RNF212B: variants seen among roughly 807,000 people sequenced by gnomAD.
RNF212B encodes the protein E3 ubiquitin-protein ligase RNF212B.
A neutral mutation model predicts 55.5 loss-of-function variants in RNF212B; 52 were observed. That is an observed-to-expected ratio of 0.94 (90% confidence interval 0.75 to 1.18). The LOEUF is 1.18. RNF212B is among the 50% of genes most tolerant of loss of function. The pLI, the probability that RNF212B is intolerant of heterozygous loss-of-function variation, is 0.00. For synonymous variants in RNF212B, 99 were observed against 121.4 expected (o/e 0.82, Z 1.21); for missense variants, 289 against 350.4 (o/e 0.82, Z 1.40).
upstream of RNF212B, among the ~76,000 whole-genome samples, chr14:23,235,753 G>A (rs1175317969): frequency 6.6e-6 from 1 of 152,172 alleles, no homozygotes; most frequent in Non-Finnish European, 1.5e-5. Flanking sequence ...GCACTGATGT[G>A]TATAACTCAG....
intron 11 of RNF212B, among the ~76,000 whole-genome samples, chr14:23,267,515 T>C (rs1270613649): frequency 6.6e-6 from 1 of 151,876 alleles, no homozygotes; most frequent in Non-Finnish European, 1.5e-5. Flanking sequence ...TGCAACCTCC[T>C]CCTCCTGGCT....
rs1278802961 is a variant in RNF212B, at chr14:23,270,673, C to A, written c.834+12C>A. The A allele has an allele frequency of 2.0e-6, 3 of 1,533,904 alleles. No homozygotes were observed. The highest frequency in any genetic ancestry group is 2.7e-5 in the African/African-American group (2 of 72,814). ...TACCAGTCCTGCAGGTGAGACCTGG[C>A]TAGTCTAACTTGTCTGTGCATAAAA... On this transcript the variant is annotated intron_variant, in intron 14 of 14. Coordinates refer to ENST00000430154, the MANE Select transcript of RNF212B (RefSeq NM_001282322.3).
chr14:23,258,960 A>G (rs1232323645), intron 5 of RNF212B, among the ~76,000 whole-genome samples: 2 of 151,818 alleles, frequency 1.3e-5, no homozygotes, highest in African/African-American at 4.8e-5. Context: ...CCGAAGCAGA[A>G]GATCACTTGA....
intron 1 of RNF212B, among the ~76,000 whole-genome samples, chr14:23,189,314 C>T (rs1211650731): frequency 2.0e-5 from 3 of 152,166 alleles, no homozygotes; most frequent in Non-Finnish European, 4.4e-5. Flanking sequence ...CCTCTGCCTT[C>T]CCTCCCATTG....
At chr14:23,223,099 C>G (rs1299453072) in intron 2 of RNF212B, among the ~76,000 whole-genome samples, 1 of 150,312 alleles carries the variant, frequency 6.7e-6, no homozygotes, top group Non-Finnish European at 1.5e-5. Flanking sequence ...TCATCATGAT[C>G]AACTGAGATC....
At chr14:23,238,416 G>A (rs935492364) in intron 1 of RNF212B, among the ~76,000 whole-genome samples, 6 of 151,676 alleles carry the variant, frequency 4.0e-5, no homozygotes, top group South Asian at 2.1e-4. Flanking sequence ...ATCCCTCAGC[G>A]GTTACACACA....
At chr14:23,234,844 G>A (rs921003285), upstream of RNF212B, among the ~76,000 whole-genome samples, 8 of 152,248 alleles carry the variant, frequency 5.3e-5, no homozygotes, top group Admixed American at 5.2e-4. Context: ...GGGAGGCTGA[G>A]GCAGCAAGAT....
At chr14:23,218,657 A>T (rs1009934380) in intron 2 of RNF212B, among the ~76,000 whole-genome samples, 4 of 152,124 alleles carry the variant, frequency 2.6e-5, no homozygotes, top group Non-Finnish European at 5.9e-5. Context: ...AAAAAACAAT[A>T]AAGCACACCT....
chr14:23,247,180 C>T (rs1391114465), intron 4 of RNF212B, among the ~76,000 whole-genome samples: 1 of 151,784 alleles, frequency 6.6e-6, no homozygotes. Context: ...AGTATAAACA[C>T]CCCATCTACT....
chr14:23,232,786 G>A (rs571022247), intron 2 of RNF212B, among the ~76,000 whole-genome samples: 1 of 124,192 alleles, frequency 8.1e-6, no homozygotes, highest in Non-Finnish European at 1.6e-5. Context: ...GAGGGAGGTG[G>A]GGGGGGGGTC....
At chr14:23,248,351 C>G (rs191077423) in intron 4 of RNF212B, among the ~76,000 whole-genome samples, 4 of 149,154 alleles carry the variant, frequency 2.7e-5, no homozygotes, top group Non-Finnish European at 5.9e-5. Flanking sequence ...GCCCAGGTCT[C>G]GAACCCCTGG....
chr14:23,200,956 G>C (rs1879228781), intron 2 of RNF212B, among the ~76,000 whole-genome samples: 1 of 152,186 alleles, frequency 6.6e-6, no homozygotes, highest in Non-Finnish European at 1.5e-5. Context: ...AAATTCTGGA[G>C]AAAATCAATT....
chr14:23,242,081 C>CAAAAAAAAAAAAAAAAAAAAAAAAAAA (rs58497672), intron 2 of RNF212B, among the ~76,000 whole-genome samples: 3 of 36,642 alleles, frequency 8.2e-5, no homozygotes, highest in African/African-American at 1.1e-4. Flanking sequence ...GACTCCGTCT[C>CAAAAAAAAAAAAAAAAAAAAAAAAAAA]AAAAAAAAAA....
intron 2 of RNF212B, among the ~76,000 whole-genome samples, chr14:23,222,958 G>A (rs1303760243): frequency 1.3e-5 from 2 of 150,968 alleles, no homozygotes; most frequent in Non-Finnish European, 2.9e-5. Flanking sequence ...GGAAGTTGAG[G>A]CAGGAGAATC....
chr14:23,268,906 T>A lies in RNF212B; in HGVS notation c.635-18T>A. ...CAGTTCATGGATTATCTCACAGGCT[T>A]ATTTTTATGCTTTCCAGAAACCCCT... On this transcript the variant is annotated intron_variant, in intron 11 of 14. Coordinates refer to ENST00000430154, the MANE Select transcript of RNF212B (RefSeq NM_001282322.3). 1 of 1,548,346 alleles carries A rather than the reference T, an allele frequency of 6.5e-7. No individual in the cohort carries two copies.
chr14:23,211,227 A>G (rs936716197), intron 2 of RNF212B, among the ~76,000 whole-genome samples: 1 of 119,266 alleles, frequency 8.4e-6, no homozygotes, highest in African/African-American at 3.0e-5. Flanking sequence ...CAAAAAAAAA[A>G]AGAAAGAAAA....
At chr14:23,206,377 C>T (rs886671119) in intron 2 of RNF212B, among the ~76,000 whole-genome samples, 11 of 152,132 alleles carry the variant, frequency 7.2e-5, no homozygotes, top group Non-Finnish European at 1.6e-4. Context: ...CCGGCCTAGT[C>T]TTTTCTTTTT....
At chr14:23,231,052 T>G (rs1882570879) in intron 2 of RNF212B, among the ~76,000 whole-genome samples, 2 of 152,220 alleles carry the variant, frequency 1.3e-5, no homozygotes, top group African/African-American at 4.8e-5. Flanking sequence ...TTGGGCAATA[T>G]GAGTCTTCCA....
intron 4 of RNF212B, among the ~76,000 whole-genome samples, chr14:23,254,374 C>A (rs1257010638): frequency 6.6e-6 from 1 of 151,932 alleles, no homozygotes; most frequent in Non-Finnish European, 1.5e-5. Flanking sequence ...GTGGCTCACT[C>A]CTATAATCCC....
Sources: allele counts gnomAD v4.1 joint callset (sites outside exome capture counted in the v4.1 genomes callset), GRCh38; gene constraint gnomAD v4.1.1; transcripts MANE v1.5; gene names NCBI Gene and HGNC (gene_info 2026-07-23, HGNC 2026-07-21).